Variants in CES5A observed in about 807,000 individuals in gnomAD.
CES5A encodes carboxylesterase 5.
A neutral mutation model predicts 62.9 loss-of-function variants in CES5A; 67 were observed. The observed-to-expected ratio is 1.07, with a 90% confidence interval of 0.88 to 1.31. CES5A has a LOEUF of 1.31. Ranked by LOEUF, CES5A falls within the 50% of genes most tolerant of loss-of-function variation. The pLI, the probability that CES5A is intolerant of heterozygous loss-of-function variation, is 0.00. For missense variants in CES5A, 748 were observed against 708.5 expected, an observed-to-expected ratio of 1.06 and a Z score of -0.63; for synonymous variants, 296 against 280.8, an observed-to-expected ratio of 1.05 and a Z score of -0.54.
intron 2 of CES5A, chr16:55,944,350 ACTCT>A (rs2034472683): frequency 2.1e-6 from 1 of 471,362 alleles, no homozygotes; most frequent in African/African-American, 1.9e-5. Context: ...AACAGAATAA[ACTCT>A]CTACCACCAT....
chr16:55,875,085 A>G (rs2033669569), intron 1 of CES5A, 64 bp downstream of exon 1: 1 of 1,475,824 alleles, frequency 6.8e-7, no homozygotes, highest in African/African-American at 1.4e-5. Flanking sequence ...CTTCATTTCT[A>G]CCAGTGGAAA....
intron 1 of CES5A, among the ~76,000 whole-genome samples, chr16:55,902,122 C>G (rs771753859): frequency 5.3e-5 from 8 of 152,152 alleles, no homozygotes; most frequent in African/African-American, 1.9e-4. Context: ...AAAGATTTTC[C>G]ATGTCCTCTC....
chr16:55,866,856 A>C (rs2033476250), intron 4 of CES5A, among the ~76,000 whole-genome samples: 1 of 151,822 alleles, frequency 6.6e-6, no homozygotes, highest in Non-Finnish European at 1.5e-5. Flanking sequence ...TAAAAATAAA[A>C]AAATAAACAA....
chr16:55,881,782 G>A (rs976368294), intron 1 of CES5A, among the ~76,000 whole-genome samples: 4 of 152,196 alleles, frequency 2.6e-5, no homozygotes, highest in Non-Finnish European at 5.9e-5. Flanking sequence ...TATTTGAGAA[G>A]CTCAGTGGTG....
intron 1 of CES5A, among the ~76,000 whole-genome samples, chr16:55,874,475 CTTCT>C (rs1388453489): frequency 7.0e-6 from 1 of 143,018 alleles, no homozygotes; most frequent in Non-Finnish European, 1.5e-5. Context: ...TGATTGCTGG[CTTCT>C]TTTTTTTTTT....
chr16:55,854,532 T>TTTCTGTTTTCTTTCTTTTTTTATTTTC (rs1491341397), intron 9 of CES5A, among the ~76,000 whole-genome samples: 1 of 59,122 alleles, frequency 1.7e-5, no homozygotes, highest in African/African-American at 6.2e-5. Flanking sequence ...GTAGTGTTTC[T>TTTCTGTTTTCTTTCTTTTTTTATTTTC]TTTTTTTTTT....
Position 55,875,241 on chromosome 16 carries a change from CTG to C in CES5A, c.-22_-21del. 1.2e-6 allele frequency: 2 copies of C among 1,609,882 alleles called. No individual in the cohort carries two copies. The highest frequency in any genetic ancestry group is 1.1e-5 in the South Asian group (1 of 90,334). ...ACTCATTTGGCTGCCTGCCTGCACT[CTG>C]TGAACATTGACGGCGGCTGCTGGCC... On this transcript the variant is annotated 5_prime_UTR_variant, in exon 1 of 13. Coordinates refer to ENST00000290567, the MANE Select transcript of CES5A (RefSeq NM_001143685.2).
intron 2 of CES5A, among the ~76,000 whole-genome samples, chr16:55,933,277 G>T (rs2034333041): frequency 6.6e-6 from 1 of 152,190 alleles, no homozygotes; most frequent in South Asian, 2.1e-4. Context: ...AATGGGAAAT[G>T]GCGGGGAGGA....
chr16:55,910,578 G>T (rs890851100), intron 1 of CES5A, among the ~76,000 whole-genome samples: 1 of 152,216 alleles, frequency 6.6e-6, no homozygotes, highest in Non-Finnish European at 1.5e-5. Context: ...AACTCCGTGA[G>T]TACCACATAA....
At chr16:55,862,832 G>C (rs1329610824) in intron 6 of CES5A, among the ~76,000 whole-genome samples, 1 of 152,176 alleles carries the variant, frequency 6.6e-6, no homozygotes, top group Non-Finnish European at 1.5e-5. Flanking sequence ...CTGAAGGACA[G>C]AGAGATCCTG....
chr16:55,911,485 A>T (rs539240023), intron 1 of CES5A, among the ~76,000 whole-genome samples: 121 of 152,322 alleles, frequency 7.9e-4, no homozygotes, highest in African/African-American at 2.8e-3. Flanking sequence ...ATATGCCAAA[A>T]CAAAGGTGCA....
chr16:55,881,679 A>G (rs1332343003), intron 1 of CES5A, among the ~76,000 whole-genome samples: 1 of 152,234 alleles, frequency 6.6e-6, no homozygotes, highest in Non-Finnish European at 1.5e-5. Flanking sequence ...TACATCTCCT[A>G]GAATGAGGGA....
At chr16:55,856,321 G>GTGCATGTGTTAAGT in intron 9 of CES5A, 56 bp downstream of exon 9, 1 of 1,526,082 alleles carries the variant, frequency 6.6e-7, no homozygotes, top group Non-Finnish European at 9.1e-7. Context: ...TGTGACCTAG[G>GTGCATGTGTTAAGT]GCTATCTGTT....
intron 1 of CES5A, among the ~76,000 whole-genome samples, chr16:55,899,025 A>T (rs536330403): frequency 5.9e-5 from 9 of 152,278 alleles, no homozygotes; most frequent in African/African-American, 1.9e-4. Context: ...AGAGGTGCTA[A>T]GGTAAGCATT....
intron 2 of CES5A, among the ~76,000 whole-genome samples, chr16:55,939,785 T>C (rs1412955491): frequency 6.6e-6 from 1 of 151,772 alleles, no homozygotes; most frequent in African/African-American, 2.4e-5. Context: ...AAAACAAGCT[T>C]TAACCAATTT....
chr16:55,892,564 G>A (rs2033891605), intron 1 of CES5A, among the ~76,000 whole-genome samples: 1 of 152,022 alleles, frequency 6.6e-6, no homozygotes, highest in Non-Finnish European at 1.5e-5. Flanking sequence ...CATAAAAAAT[G>A]CCTAGCTTAA....
At chr16:55,878,574 C>A (rs2033722633), upstream of CES5A, among the ~76,000 whole-genome samples, 1 of 150,924 alleles carries the variant, frequency 6.6e-6, no homozygotes, top group Non-Finnish European at 1.5e-5. Flanking sequence ...GCTACCCCAT[C>A]ACTGTACCCC....
At chr16:55,914,735 C>T (rs1318230025) in intron 1 of CES5A, among the ~76,000 whole-genome samples, 2 of 152,136 alleles carry the variant, frequency 1.3e-5, no homozygotes, top group African/African-American at 4.8e-5. Flanking sequence ...TGGAGAGGCA[C>T]GATCCCAAAG....
upstream of CES5A, among the ~76,000 whole-genome samples, chr16:55,875,532 A>C (rs1439144005): frequency 1.3e-5 from 2 of 152,246 alleles, no homozygotes; most frequent in African/African-American, 4.8e-5. Context: ...ACATTTTAAG[A>C]TTATGAGTTC....
Sources: allele counts gnomAD v4.1 joint callset (sites outside exome capture counted in the v4.1 genomes callset), GRCh38; gene constraint gnomAD v4.1.1; transcripts MANE v1.5; gene names NCBI Gene and HGNC (gene_info 2026-07-23, HGNC 2026-07-21).